Variants in ST6GALNAC5 observed in about 807,000 individuals in gnomAD.
ST6GALNAC5 encodes the protein alpha-N-acetylgalactosaminide alpha-2,6-sialyltransferase 5.
Under a neutral mutation model 33.6 loss-of-function variants are expected in ST6GALNAC5, and 27 were observed. The observed-to-expected ratio is 0.80, with a 90% CI of 0.59 to 1.11. The LOEUF (loss-of-function observed/expected upper bound fraction) is 1.11, where lower values mean the gene tolerates loss of function less well. Among genes scored for constraint, ST6GALNAC5 ranks in the 50% least tolerant of loss-of-function variants. The pLI, the probability that ST6GALNAC5 is intolerant of heterozygous loss-of-function variation, is 0.00. For synonymous variants in ST6GALNAC5, 194 were observed against 171.2 expected (o/e 1.13, Z -1.04); for missense variants, 428 against 454.0 (o/e 0.94, Z 0.52).
At chr1:77,050,813 C>T (rs1026382351) in intron 4 of ST6GALNAC5, among the ~76,000 whole-genome samples, 4 of 152,240 alleles carry the variant, frequency 2.6e-5, no homozygotes, top group African/African-American at 9.6e-5. Context: ...GTGGCCTGGG[C>T]TTGCACTTCT....
chr1:76,901,012 A>G (rs372037344), intron 2 of ST6GALNAC5, among the ~76,000 whole-genome samples: 11 of 152,314 alleles, frequency 7.2e-5, no homozygotes, highest in East Asian at 3.9e-4. Flanking sequence ...CTAAGTAAAT[A>G]TTTTATATAG....
chr1:77,051,854 T>G (rs1307311271), intron 4 of ST6GALNAC5, among the ~76,000 whole-genome samples: 1 of 152,158 alleles, frequency 6.6e-6, no homozygotes, highest in African/African-American at 2.4e-5. Flanking sequence ...CAGATATAAT[T>G]ATGCAATATT....
chr1:77,050,396 A>C lies in ST6GALNAC5; in HGVS notation c.779+31A>C, dbSNP rs186615566. 1.7e-5 allele frequency: 27 copies of C among 1,588,640 alleles called. No homozygotes were observed. In the Admixed American group the frequency reaches 3.3e-4, roughly 20 times the overall value. On this transcript the variant is annotated intron_variant, in intron 4 of 4. Coordinates refer to ENST00000477717, the MANE Select transcript of ST6GALNAC5 (RefSeq NM_030965.3). ...ATTTATTCTGCAAGTGTAAATCATCAGCCGTGTTGTGCAGGATTTATAAAT... is the reference window on the plus strand; with the variant it reads ...ATTTATTCTGCAAGTGTAAATCATCCGCCGTGTTGTGCAGGATTTATAAAT...
chr1:76,891,583 T>C (rs1654013328), intron 2 of ST6GALNAC5, among the ~76,000 whole-genome samples: 1 of 152,234 alleles, frequency 6.6e-6, no homozygotes, highest in Admixed American at 6.5e-5. Flanking sequence ...AAGTTTTTAA[T>C]TTTGATGATG....
intron 2 of ST6GALNAC5, among the ~76,000 whole-genome samples, chr1:76,877,127 TGA>T (rs1389883253): frequency 1.3e-5 from 2 of 152,182 alleles, no homozygotes; most frequent in African/African-American, 4.8e-5. Flanking sequence ...CATAGCCAAA[TGA>T]TCAGTTTCCA....
At position 77,044,281 on chromosome 1, in the gene ST6GALNAC5, G is replaced by C. The variant is rs1023568909; in HGVS notation, c.339G>C (p.Gln113His). Residue 113 changes from glutamine to histidine, a missense_variant, in exon 3 of 5, where the codon CAG becomes CAC. Physicochemically the swap from Gln to His is conservative, Grantham distance 24. Transcript: ENST00000477717. ...GHLLHSRQGSQIDQTECVIRM... is the reference protein window; with the variant it reads ...GHLLHSRQGSHIDQTECVIRM... Reference sequence around the variant, plus strand: ...TGCTGCACAGTCGGCAAGGCTCCCAGATTGACCAGACAGAGTGTGTCATCC... The same window carrying C: ...TGCTGCACAGTCGGCAAGGCTCCCACATTGACCAGACAGAGTGTGTCATCC... 1.2e-6 allele frequency: 2 copies of C among 1,613,878 alleles called. No individual in the cohort carries two copies. The highest frequency in any genetic ancestry group is 1.7e-6 in the Non-Finnish European group (2 of 1,180,034).
rs1038323499 is a variant in ST6GALNAC5 at position 77,065,304 on chromosome 1, T to C, written c.*2098T>C. ...ACATGCAAGAATGTAATTATATTGC[T>C]TCATCTAATAATATCTCACATATCT... is the stretch of plus-strand genomic sequence containing the variant. On this transcript the variant is annotated 3_prime_UTR_variant, in exon 5 of 5. Transcript: ENST00000477717. 7.9e-5 allele frequency: 12 copies of C among 152,216 alleles called. No individual in the cohort carries two copies. The highest frequency in any genetic ancestry group is 2.9e-4 in the African/African-American group (12 of 41,452). 9.4% of individuals were successfully genotyped at this position (152,216 alleles called of 1,614,324 possible).
intron 2 of ST6GALNAC5, among the ~76,000 whole-genome samples, chr1:76,961,420 G>A (rs1428495384): frequency 6.6e-6 from 1 of 152,160 alleles, no homozygotes; most frequent in Non-Finnish European, 1.5e-5. Context: ...CGTGAAAATT[G>A]GGTGATGTCA....
chr1:77,050,906 C>T (rs577212605), intron 4 of ST6GALNAC5, among the ~76,000 whole-genome samples: 12 of 152,356 alleles, frequency 7.9e-5, no homozygotes, highest in Non-Finnish European at 8.8e-5. Context: ...CCTTAACTTT[C>T]CTCCTGGCAT....
intron 4 of ST6GALNAC5, among the ~76,000 whole-genome samples, chr1:77,058,488 C>T (rs1195399272): frequency 1.3e-5 from 2 of 152,170 alleles, no homozygotes; most frequent in Admixed American, 1.3e-4. Context: ...GGCACCTCCC[C>T]CTTTCTCTTC....
rs561131977 is a variant in ST6GALNAC5 at position 76,925,213 on chromosome 1, G to C, written c.261+56471G>C. Among the ~76,000 whole-genome samples the C allele has an allele frequency of 3.3e-5, 5 of 152,102 alleles. No individual in the cohort carries two copies. In the East Asian group the frequency reaches 7.8e-4, roughly 24 times the overall value. ...GGATGGTGTTAAGCCACTCATGAGGGATCTGCCCCCACGATCCAATGCCTC... is the reference window on the plus strand; with the variant it reads ...GGATGGTGTTAAGCCACTCATGAGGCATCTGCCCCCACGATCCAATGCCTC... On this transcript the variant is annotated intron_variant, in intron 2 of 4. Transcript: ENST00000477717.
chr1:77,043,195 T>C (rs1388541612), intron 2 of ST6GALNAC5, among the ~76,000 whole-genome samples: 1 of 152,284 alleles, frequency 6.6e-6, no homozygotes, highest in African/African-American at 2.4e-5. Context: ...AACATCTTGT[T>C]ATTTTCTTGT....
chr1:77,026,192 T>G (rs1483214807), intron 2 of ST6GALNAC5, among the ~76,000 whole-genome samples: 1 of 149,630 alleles, frequency 6.7e-6, no homozygotes, highest in Non-Finnish European at 1.5e-5. Flanking sequence ...GCTGCCATTT[T>G]CTTTGGAAAA....
At position 77,064,236 on chromosome 1, in the gene ST6GALNAC5, C is replaced by T. The variant is rs1652700169; in HGVS notation, c.*1030C>T. ...AGACTCTGCACTTGGAGTGATGGGGCCCCAACAGTAGCAGGAACTTTATTT... is the reference window on the plus strand; with the variant it reads ...AGACTCTGCACTTGGAGTGATGGGGTCCCAACAGTAGCAGGAACTTTATTT... On this transcript the variant is annotated 3_prime_UTR_variant, in exon 5 of 5. Coordinates refer to ENST00000477717, the MANE Select transcript of ST6GALNAC5 (RefSeq NM_030965.3). 1 of 152,010 alleles carries T rather than the reference C, an allele frequency of 6.6e-6. No individual in the cohort carries two copies. The highest frequency in any genetic ancestry group is 1.5e-5 in the Non-Finnish European group (1 of 67,998). The allele number at this position is 152,010 out of a possible 1,614,324, so 9.4% of individuals were successfully genotyped here.
chr1:77,011,798 G>C (rs1380747768), intron 2 of ST6GALNAC5, among the ~76,000 whole-genome samples: 2 of 151,932 alleles, frequency 1.3e-5, no homozygotes, highest in Non-Finnish European at 2.9e-5. Flanking sequence ...CATTTTGATA[G>C]TAACATTTTT....
At chr1:76,987,223 T>C (rs1487836314) in intron 2 of ST6GALNAC5, among the ~76,000 whole-genome samples, 1 of 151,840 alleles carries the variant, frequency 6.6e-6, no homozygotes, top group East Asian at 1.9e-4. Context: ...TTTTAAAAAG[T>C]AGCTATTACA....
chr1:76,968,688 C>T (rs1050357364), intron 2 of ST6GALNAC5, among the ~76,000 whole-genome samples: 1 of 152,180 alleles, frequency 6.6e-6, no homozygotes, highest in Non-Finnish European at 1.5e-5. Flanking sequence ...ATGGCCTTTA[C>T]AATTTGGCAT....
rs1652162362 is a variant in ST6GALNAC5, at chr1:77,049,873, G to A, written c.672-385G>A. On this transcript the variant is annotated intron_variant, in intron 3 of 4. Coordinates refer to ENST00000477717, the MANE Select transcript of ST6GALNAC5 (RefSeq NM_030965.3). ...AGCTACTCATTATCTAGCCTGTTTG[G>A]GGAACAAGGAGAATTTCTAGTTACT... Among the ~76,000 whole-genome samples, 3 of 152,128 alleles carry A rather than the reference G, an allele frequency of 2.0e-5. No homozygotes were observed. In the South Asian group the frequency reaches 6.2e-4, roughly 32 times the overall value.
chr1:76,980,712 A>G (rs1305892723), intron 2 of ST6GALNAC5, among the ~76,000 whole-genome samples: 5 of 152,208 alleles, frequency 3.3e-5, no homozygotes, highest in African/African-American at 1.2e-4. Flanking sequence ...CCATACACAA[A>G]AATTAACTCA....
Sources: gnomAD v4.1 joint callset for allele counts (sites outside exome capture counted in the v4.1 genomes callset) on GRCh38, gnomAD v4.1.1 for gene constraint, MANE v1.5 for transcripts, NCBI Gene and HGNC (gene_info 2026-07-23, HGNC 2026-07-21) for gene names.